Variants in VDAC1 observed in about 807,000 individuals in gnomAD.
VDAC1 encodes the protein voltage dependent anion channel 1.
A neutral mutation model predicts 34.7 loss-of-function variants in VDAC1; 10 were observed. That is an observed-to-expected ratio of 0.29 (90% confidence interval 0.18 to 0.49). The LOEUF (loss-of-function observed/expected upper bound fraction) is 0.49. VDAC1 is among the 20% of genes least tolerant of loss of function. VDAC1 has a pLI of 0.99. For synonymous variants in VDAC1, 130 were observed against 136.0 expected (o/e 0.96, Z 0.30); for missense variants, 230 against 347.9 (o/e 0.66, Z 2.69).
chr5:134,057,433 T>G, the VDAC1 span, among the ~76,000 whole-genome samples: 1 of 151,414 alleles, frequency 6.6e-6, no homozygotes, highest in Non-Finnish European at 1.5e-5. Flanking sequence ...TGAGCCAAGA[T>G]CACACCACTG....
the VDAC1 span, among the ~76,000 whole-genome samples, chr5:134,053,620 TC>T: frequency 1.3e-5 from 2 of 152,138 alleles, no homozygotes; most frequent in Non-Finnish European, 2.9e-5. Flanking sequence ...CCCCATCCTG[TC>T]CCCCTCAGCC....
the VDAC1 span, among the ~76,000 whole-genome samples, chr5:134,045,313 T>C: frequency 1.3e-5 from 2 of 152,230 alleles, no homozygotes; most frequent in Non-Finnish European, 2.9e-5. Context: ...TGTATCAGCT[T>C]CCTACTGCTG....
At chr5:134,094,464 G>A in the VDAC1 span, among the ~76,000 whole-genome samples, 17 of 152,276 alleles carry the variant, frequency 1.1e-4, no homozygotes, top group Admixed American at 7.9e-4. Flanking sequence ...TTGGGAGGCC[G>A]AGGCGGGCAG....
At chr5:134,053,436 C>G in the VDAC1 span, among the ~76,000 whole-genome samples, 1 of 152,222 alleles carries the variant, frequency 6.6e-6, no homozygotes, top group South Asian at 2.1e-4. Context: ...ATTGCCCAAC[C>G]CTCCATCATT....
chr5:134,061,163 C>T, the VDAC1 span, among the ~76,000 whole-genome samples: 2 of 119,450 alleles, frequency 1.7e-5, no homozygotes, highest in Non-Finnish European at 3.6e-5. Context: ...CCACATCTAG[C>T]CTCCTTTTTT....
At chr5:134,042,824 T>C in the VDAC1 span, among the ~76,000 whole-genome samples, 1 of 152,190 alleles carries the variant, frequency 6.6e-6, no homozygotes, top group African/African-American at 2.4e-5. Context: ...AGGCACCATC[T>C]TACCTGCCTG....
the VDAC1 span, among the ~76,000 whole-genome samples, chr5:134,047,921 G>A: frequency 1.3e-5 from 2 of 151,078 alleles, no homozygotes; most frequent in Non-Finnish European, 2.9e-5. Context: ...GTCAACAAGC[G>A]CCATCATTTT....
the VDAC1 span, among the ~76,000 whole-genome samples, chr5:134,095,522 A>C: frequency 6.0e-3 from 908 of 150,936 alleles, 4 homozygotes; most frequent in African/African-American, 0.021. Context: ...ATAAATAAAT[A>C]AATCCAAGAG....
Position 133,989,684 on chromosome 5 carries a change from T to C in VDAC1, c.323+1171A>G, listed in dbSNP as rs1487341788. ...TCTTTTTTTTTTTTTTCTTTTGAGA[T>C]GGAGTTTCGCTCTTCTTGCCCAGGG... On this transcript the variant is annotated intron_variant, in intron 5 of 8. Coordinates refer to ENST00000265333, the MANE Select transcript of VDAC1 (RefSeq NM_003374.3). Among the ~76,000 whole-genome samples the C allele has an allele frequency of 2.0e-5, 3 of 148,996 alleles. No individual in the cohort carries two copies. The Admixed American group carries it at 2.0e-4, about 10-fold the overall frequency.
At chr5:134,107,882 G>C in the VDAC1 span, among the ~76,000 whole-genome samples, 2 of 152,216 alleles carry the variant, frequency 1.3e-5, no homozygotes, top group Non-Finnish European at 2.9e-5. Context: ...CTCCAGGAAG[G>C]AGGTGGCTTG....
the VDAC1 span, among the ~76,000 whole-genome samples, chr5:134,031,927 G>A: frequency 1.4e-5 from 2 of 148,132 alleles, no homozygotes; most frequent in Admixed American, 6.8e-5. Flanking sequence ...CTCCAGCCTC[G>A]GTGACAGAGC....
In VDAC1 at chr5:133,972,519, A is replaced by T. The variant is rs1752337251; in HGVS notation, c.*252T>A. The T allele has an allele frequency of 4.5e-6, 2 of 444,756 alleles. No individual in the cohort carries two copies. Among genetic ancestry groups the T allele is most frequent in the South Asian group, 1.3e-4 (2 of 15,638 alleles). The allele number at this position is 444,756 out of a possible 1,614,324, so 27.6% of individuals were successfully genotyped here. A position where few individuals can be genotyped will look rare whatever the true frequency, so the allele number is the denominator to read the frequency against. ...CCACTTGCAGCCATTTCTAGATAAA[A>T]AAGAAACCTGGCATCTCAAAGGGGC... On this transcript the variant is annotated 3_prime_UTR_variant, in exon 9 of 9. Coordinates refer to ENST00000265333, the MANE Select transcript of VDAC1 (RefSeq NM_003374.3).
upstream of VDAC1, among the ~76,000 whole-genome samples, chr5:134,006,968 G>A (rs559599011): frequency 1.1e-4 from 17 of 151,946 alleles, no homozygotes; most frequent in Non-Finnish European, 2.5e-4. Flanking sequence ...ACTCGGCCCC[G>A]TGCAGTGGCT....
the VDAC1 span, among the ~76,000 whole-genome samples, chr5:134,013,727 G>A: frequency 2.6e-5 from 4 of 152,134 alleles, no homozygotes; most frequent in Non-Finnish European, 4.4e-5. Context: ...CAGATCACCT[G>A]AGGTCAGGAG....
the VDAC1 span, among the ~76,000 whole-genome samples, chr5:134,074,156 C>CA: frequency 1.3e-5 from 2 of 151,674 alleles, no homozygotes; most frequent in South Asian, 4.2e-4. Context: ...CCTAAAAATG[C>CA]AAAAAATTAC....
chr5:134,098,392 T>C, the VDAC1 span, among the ~76,000 whole-genome samples: 1 of 151,952 alleles, frequency 6.6e-6, no homozygotes, highest in Non-Finnish European at 1.5e-5. Flanking sequence ...GACCGGCTAA[T>C]TTTTGTATTT....
intron 1 of VDAC1, among the ~76,000 whole-genome samples, chr5:134,003,235 C>T (rs1255137913): frequency 6.6e-6 from 1 of 152,186 alleles, no homozygotes; most frequent in Non-Finnish European, 1.5e-5. Context: ...CAGTCTGACC[C>T]TTAGGAGCTG....
At chr5:134,071,917 C>A in the VDAC1 span, among the ~76,000 whole-genome samples, 2 of 152,156 alleles carry the variant, frequency 1.3e-5, no homozygotes, top group South Asian at 2.1e-4. This position sits in a 1 kb window ranked among gnomAD's most constrained non-coding sequence, Gnocchi z 4.1. Flanking sequence ...GTACATGCTC[C>A]TCTGTGGTGG....
At chr5:133,998,970 C>T (rs1028564282) in intron 1 of VDAC1, among the ~76,000 whole-genome samples, 1 of 152,116 alleles carries the variant, frequency 6.6e-6, no homozygotes, top group East Asian at 1.9e-4. Flanking sequence ...ACCAGGCCCC[C>T]GCCTGGTAGA....
Sources: gnomAD v4.1 joint callset for allele counts (sites outside exome capture counted in the v4.1 genomes callset) on GRCh38, gnomAD v4.1.1 for gene constraint, Gnocchi (gnomAD v3.1) non-coding constraint, MANE v1.5 for transcripts, NCBI Gene and HGNC (gene_info 2026-07-23, HGNC 2026-07-21) for gene names.